UBE2E1: variants seen among roughly 807,000 people sequenced by gnomAD.
UBE2E1 encodes ubiquitin-conjugating enzyme E2 E1.
Under a neutral mutation model 21.4 loss-of-function variants are expected in UBE2E1, and 6 were observed. That is an observed-to-expected ratio of 0.28 (90% CI 0.15 to 0.55). The LOEUF (loss-of-function observed/expected upper bound fraction) is 0.55, where lower values mean the gene tolerates loss of function less well. Ranked by LOEUF, UBE2E1 falls within the 20% of genes least tolerant of loss-of-function variation. The pLI is 0.93. For missense variants in UBE2E1, 142 were observed against 236.5 expected (o/e 0.60, Z 2.62); for synonymous variants, 87 against 82.7 (o/e 1.05, Z -0.28).
chr3:23,828,489 G>C (rs1156951881), intron 3 of UBE2E1, among the ~76,000 whole-genome samples: 1 of 152,218 alleles, frequency 6.6e-6, no homozygotes, highest in Non-Finnish European at 1.5e-5. Context: ...ATATTTACCA[G>C]TGCTAATCGA....
At chr3:23,814,003 A>G (rs1395609158) in intron 3 of UBE2E1, among the ~76,000 whole-genome samples, 5 of 152,202 alleles carry the variant, frequency 3.3e-5, no homozygotes, top group African/African-American at 9.7e-5. Flanking sequence ...ACCCTTTGCC[A>G]TACTTCCTTT....
At chr3:23,843,008 A>C (rs1263107265) in intron 3 of UBE2E1, among the ~76,000 whole-genome samples, 2 of 151,644 alleles carry the variant, frequency 1.3e-5, no homozygotes, top group Non-Finnish European at 1.5e-5. Context: ...CATATATACT[A>C]TATATGTTAC....
In UBE2E1 at chr3:23,890,901, T is replaced by C. The variant is rs1701404050; in HGVS notation, c.*295T>C. 2.3e-5 allele frequency: 5 copies of C among 221,154 alleles called. No individual in the cohort carries two copies. The highest frequency in any genetic ancestry group is 3.5e-5 in the Non-Finnish European group (4 of 113,068). The allele number at this position is 221,154 out of a possible 1,614,324, so 13.7% of individuals were successfully genotyped here. On this transcript the variant is annotated 3_prime_UTR_variant, in exon 6 of 6. Transcript: ENST00000306627. The stretch of plus-strand genomic sequence containing the variant: ...TTCAGTTGCTTGTAGTCTGTAAATT[T>C]AAAACAGCTTAATTTGGTACAGGTT...
chr3:23,811,044 T>G (rs1575797901), intron 2 of UBE2E1: 1 of 188,746 alleles, frequency 5.3e-6, no homozygotes, highest in Non-Finnish European at 1.1e-5. Context: ...ATCTGAGGGG[T>G]GAAAGGGGCA....
intron 3 of UBE2E1, among the ~76,000 whole-genome samples, chr3:23,833,658 A>G (rs949589209): frequency 1.3e-5 from 2 of 152,212 alleles, no homozygotes; most frequent in Non-Finnish European, 2.9e-5. Flanking sequence ...TTGTCTATGT[A>G]AAGAAAATTA....
At chr3:23,817,179 A>G (rs994763587) in intron 3 of UBE2E1, among the ~76,000 whole-genome samples, 1 of 152,214 alleles carries the variant, frequency 6.6e-6, no homozygotes, top group Admixed American at 6.5e-5. Context: ...ATGGTGGCTC[A>G]CGCCTGTAAT....
intron 3 of UBE2E1, among the ~76,000 whole-genome samples, chr3:23,841,970 T>G (rs1700095355): frequency 6.6e-6 from 1 of 152,138 alleles, no homozygotes; most frequent in African/African-American, 2.4e-5. Flanking sequence ...GAGGGCAAAA[T>G]GGGATAATCT....
chr3:23,889,530 T>C (rs1329658006), intron 5 of UBE2E1: 1 of 1,385,318 alleles, frequency 7.2e-7, no homozygotes, highest in Admixed American at 3.5e-5. Context: ...TCTTCCTCCT[T>C]TTTTTTTCCT....
At chr3:23,881,456 G>A (rs116037019) in intron 3 of UBE2E1, among the ~76,000 whole-genome samples, 2,179 of 152,272 alleles carry the variant, frequency 0.014, 60 homozygotes, top group African/African-American at 0.05. Context: ...ATCCTCTCAT[G>A]CAGAGGTTCT....
intron 3 of UBE2E1, among the ~76,000 whole-genome samples, chr3:23,881,217 T>C (rs1190140905): frequency 6.6e-6 from 1 of 152,220 alleles, no homozygotes; most frequent in Non-Finnish European, 1.5e-5. Context: ...GAATCCTTTA[T>C]AGAAAGAAGA....
chr3:23,844,250 C>T (rs2125302604), intron 3 of UBE2E1, among the ~76,000 whole-genome samples: 1 of 152,170 alleles, frequency 6.6e-6, no homozygotes, highest in Admixed American at 6.6e-5. Flanking sequence ...CTACTTCTGC[C>T]CCAAAAGCAC....
At chr3:23,822,496 A>C (rs1190559347) in intron 3 of UBE2E1, among the ~76,000 whole-genome samples, 3 of 152,018 alleles carry the variant, frequency 2.0e-5, no homozygotes, top group South Asian at 4.2e-4. Context: ...TTTCCTCACC[A>C]AAAAAAGTTA....
At position 23,842,198 on chromosome 3, in the gene UBE2E1, G is replaced by GGGGGT. The variant is rs1553637704; in HGVS notation, c.203+30689_203+30690insGGGTG. ...TATGTCATGACCCAGTAAGTGAAGG[G>GGGGGT]GTGTGTGTGTGTGTGTGTGTGTGTG... On this transcript the variant is annotated intron_variant, in intron 3 of 5. Transcript: ENST00000306627. The surrounding 1 kb of genome is among the most constrained non-coding windows in gnomAD (Gnocchi z 4.6). Among the ~76,000 whole-genome samples the GGGGGT allele has an allele frequency of 6.6e-4, 69 of 104,360 alleles. No individual in the cohort carries two copies. The highest frequency in any genetic ancestry group is 2.2e-3 in the African/African-American group (61 of 27,704). The allele number at this position is 104,360 out of a possible 152,430, so 68.5% of individuals were successfully genotyped here. A position where few individuals can be genotyped will look rare whatever the true frequency, so the allele number is the denominator to read the frequency against.
At chr3:23,858,789 C>T (rs1700493658) in intron 3 of UBE2E1, among the ~76,000 whole-genome samples, 1 of 152,130 alleles carries the variant, frequency 6.6e-6, no homozygotes, top group South Asian at 2.1e-4. Flanking sequence ...GTCCTCCCTC[C>T]TCCCCACTTT....
rs1274116270 is a variant in UBE2E1, at chr3:23,831,697, C to CTTTCTT, written c.203+20190_203+20191insCTTTTT. On this transcript the variant is annotated intron_variant, in intron 3 of 5. Coordinates refer to ENST00000306627, the MANE Select transcript of UBE2E1 (RefSeq NM_003341.5). ...CCACACCCAGCTAAGTTTTGTATTT[C>CTTTCTT]TTTTTTTTTTTTTCTGTGAGACAGA... 5.9e-4 allele frequency among the ~76,000 whole-genome samples: 83 copies of CTTTCTT among 141,548 alleles called. No individual in the cohort carries two copies. In the East Asian group the frequency reaches 0.016, roughly 28 times the overall value. 92.9% of individuals were successfully genotyped at this position (141,548 alleles called of 152,430 possible).
chr3:23,848,715 A>G (rs570383318), intron 3 of UBE2E1, among the ~76,000 whole-genome samples: 1 of 152,364 alleles, frequency 6.6e-6, no homozygotes, highest in South Asian at 2.1e-4. Context: ...ACTTCATAGA[A>G]GAATATAGAG....
intron 3 of UBE2E1, among the ~76,000 whole-genome samples, chr3:23,872,291 C>T (rs1360670836): frequency 6.6e-6 from 1 of 150,454 alleles, no homozygotes; most frequent in Non-Finnish European, 1.5e-5. Flanking sequence ...GAGAATCAGG[C>T]AGGGAGGTTG....
rs528373264 is a variant in UBE2E1 at position 23,836,677 on chromosome 3, A to G, written c.203+25167A>G. On this transcript the variant is annotated intron_variant, in intron 3 of 5. Coordinates refer to ENST00000306627, the MANE Select transcript of UBE2E1 (RefSeq NM_003341.5). The surrounding 1 kb of genome is among the most constrained non-coding windows in gnomAD (Gnocchi z 4.1). ...TCTAGGGAAGTGAGGTGACTTTCCT[A>G]AAATGGCTCAGCTGAGGACTGGTAT... is the stretch of plus-strand genomic sequence containing the variant. Among the ~76,000 whole-genome samples the G allele has an allele frequency of 6.6e-6, 1 of 152,306 alleles. No individual in the cohort carries two copies. The highest frequency in any genetic ancestry group is 6.5e-5 in the Admixed American group (1 of 15,300).
In UBE2E1 at chr3:23,887,473, G is replaced by C. The variant is rs1701214491; in HGVS notation, c.204-94G>C. On this transcript the variant is annotated intron_variant, in intron 3 of 5. Transcript: ENST00000306627. The surrounding 1 kb of genome is among the most constrained non-coding windows in gnomAD (Gnocchi z 4.4). ...AAGAGAATCCACACAGTAAACAAAA[G>C]AGAGGAGAGAGGTAATCTTTCCATC... 6.9e-7 allele frequency: 1 copy of C among 1,454,648 alleles called. No individual in the cohort carries two copies. The highest frequency in any genetic ancestry group is 9.1e-7 in the Non-Finnish European group (1 of 1,096,762). 90.1% of individuals were successfully genotyped at this position (1,454,648 alleles called of 1,614,324 possible).
Sources: gnomAD v4.1 joint callset for allele counts (sites outside exome capture counted in the v4.1 genomes callset) on GRCh38, gnomAD v4.1.1 for gene constraint, Gnocchi (gnomAD v3.1) non-coding constraint, MANE v1.5 for transcripts, NCBI Gene and HGNC (gene_info 2026-07-23, HGNC 2026-07-21) for gene names.